The following COL4A6 variants were observed in gnomAD, a reference collection of about 807,000 sequenced individuals.
The protein encoded by COL4A6 is collagen type IV alpha 6 chain, also known as collagen alpha-6(IV) chain.
COL4A6 carries 59 observed loss-of-function variants against 126.7 expected under a neutral mutation model. That is an observed-to-expected ratio of 0.47 (90% CI 0.38 to 0.58). COL4A6 has a LOEUF of 0.58. COL4A6 is among the 20% of genes least tolerant of loss of function. The pLI is 0.00. For synonymous variants in COL4A6, 547 were observed against 496.6 expected (o/e 1.10, Z -1.35); for missense variants, 1,285 against 1,337.3 (o/e 0.96, Z 0.61).
chrX:108,394,673 G>A (rs781722657), intron 2 of COL4A6, among the ~76,000 whole-genome samples: 2 of 111,788 alleles, frequency 1.8e-5, no homozygotes, highest in African/African-American at 6.5e-5. Flanking sequence ...GCATGTAGAA[G>A]GCATTTATCG....
intron 3 of COL4A6, among the ~76,000 whole-genome samples, chrX:108,277,479 C>A (rs2037643710): frequency 8.9e-6 from 1 of 112,637 alleles, no homozygotes; most frequent in Non-Finnish European, 1.9e-5. Flanking sequence ...GTAAACAAAG[C>A]AGCCCTGAAG....
intron 2 of COL4A6, among the ~76,000 whole-genome samples, chrX:108,318,125 CAT>C (rs965548886): frequency 2.7e-5 from 3 of 111,867 alleles, no homozygotes; most frequent in South Asian, 3.8e-4. Context: ...ACAAAAACCA[CAT>C]GTTTATCTCA....
chrX:108,241,102 A>C (rs937578718), intron 3 of COL4A6, among the ~76,000 whole-genome samples: 1 of 111,040 alleles, frequency 9.0e-6, no homozygotes, highest in Non-Finnish European at 1.9e-5. Flanking sequence ...TATAAATATC[A>C]TATAATTTAG....
chrX:108,195,827 G>A (rs2035197764), intron 14 of COL4A6, among the ~76,000 whole-genome samples: 1 of 111,354 alleles, frequency 9.0e-6, no homozygotes, highest in African/African-American at 3.3e-5. Flanking sequence ...GGGGAAAGTA[G>A]AGAAAGAAAT....
chrX:108,245,965 GCTAC>G (rs2036708196), intron 3 of COL4A6, among the ~76,000 whole-genome samples: 2 of 111,976 alleles, frequency 1.8e-5, no homozygotes, highest in Non-Finnish European at 3.8e-5. Flanking sequence ...TCAGAACCAA[GCTAC>G]TGATATCTCT....
At chrX:108,240,767 T>G (rs1270866125) in intron 3 of COL4A6, among the ~76,000 whole-genome samples, 1 of 112,563 alleles carries the variant, frequency 8.9e-6, no homozygotes, top group Non-Finnish European at 1.9e-5. Flanking sequence ...AAATGTCACA[T>G]GACTCTCATT....
At chrX:108,237,327 T>C (rs1239652947) in intron 3 of COL4A6, among the ~76,000 whole-genome samples, 1 of 111,641 alleles carries the variant, frequency 9.0e-6, no homozygotes, top group Non-Finnish European at 1.9e-5. Flanking sequence ...TTGAAAGCCC[T>C]TCACCGTTCA....
At chrX:108,410,490 C>A (rs190559635) in intron 2 of COL4A6, among the ~76,000 whole-genome samples, 3 of 111,058 alleles carry the variant, frequency 2.7e-5, no homozygotes, top group African/African-American at 9.8e-5. Context: ...GTACACTTTT[C>A]TAAATTAAAT....
In COL4A6 at chrX:108,334,292, C is replaced by T. The variant is rs780826580; in HGVS notation, c.64-23464G>A. Among the ~76,000 whole-genome samples, 5 of 111,750 alleles carry T rather than the reference C, an allele frequency of 4.5e-5. No homozygotes were observed. The East Asian group carries it at 1.4e-3, about 31-fold the overall frequency. On this transcript the variant is annotated intron_variant, in intron 2 of 44. Coordinates refer to ENST00000334504, the MANE Select transcript of COL4A6 (RefSeq NM_033641.4). ...AATTACCCATCACAGTGGTTATAAACTAGAACTGAAATAACCTGTGGACTG... is the reference window on the plus strand; with the variant it reads ...AATTACCCATCACAGTGGTTATAAATTAGAACTGAAATAACCTGTGGACTG...
upstream of COL4A6, chrX:108,439,268 GAAT>G (rs749083454): frequency 2.4e-5 from 9 of 377,844 alleles, no homozygotes; most frequent in East Asian, 3.0e-4. Flanking sequence ...TAATACCATA[GAAT>G]AATTACCAAT....
chrX:108,360,194 TCTTC>T (rs2040051658), intron 2 of COL4A6, among the ~76,000 whole-genome samples: 1 of 112,154 alleles, frequency 8.9e-6, no homozygotes, highest in Admixed American at 9.5e-5. Context: ...CAACTATGAG[TCTTC>T]CTTTTCCATT....
chrX:108,246,003 A>G (rs1373062410), intron 3 of COL4A6, among the ~76,000 whole-genome samples: 1 of 111,640 alleles, frequency 9.0e-6, no homozygotes, highest in Non-Finnish European at 1.9e-5. Context: ...CTCACTTTCC[A>G]TGGCCCTGAT....
At chrX:108,343,715 A>G (rs1390671381) in intron 2 of COL4A6, among the ~76,000 whole-genome samples, 1 of 110,523 alleles carries the variant, frequency 9.0e-6, no homozygotes, top group Admixed American at 9.6e-5. Flanking sequence ...AAATATTGCA[A>G]TAAAATTTTG....
intron 2 of COL4A6, chrX:108,384,027 A>G: frequency 1.6e-6 from 1 of 640,770 alleles, no homozygotes; most frequent in South Asian, 4.4e-5. Context: ...TTGGTTACTT[A>G]TATTTACATA....
chrX:108,206,965 G>A (rs1334505138), intron 8 of COL4A6, among the ~76,000 whole-genome samples: 1 of 111,534 alleles, frequency 9.0e-6, no homozygotes, highest in African/African-American at 3.3e-5. Flanking sequence ...GGCAGAGATT[G>A]ACAGGGAATG....
chrX:108,162,906 G>C lies in COL4A6; in HGVS notation c.4202C>G (p.Pro1401Arg). The C allele has an allele frequency of 1.7e-6, 2 of 1,190,008 alleles. No homozygotes were observed. The highest frequency in any genetic ancestry group is 2.3e-6 in the Non-Finnish European group (2 of 886,308). Residue 1401 changes from proline (P) to arginine (R), a missense_variant, in exon 41 of 45, where the codon CCT (proline) becomes CGT (arginine). Pro to Arg is a moderately radical substitution (Grantham distance 103). Coordinates refer to ENST00000334504, the MANE Select transcript of COL4A6 (RefSeq NM_033641.4). ...GLTGDPGAQGPVGLQGSKGLP... is the reference protein window; with the variant it reads ...GLTGDPGAQGRVGLQGSKGLP... ...ACCCTCCTCACCTTGTAGGCCTACAGGGCCTTGAGCCCCAGGGTCCCCAGT... is the reference window on the plus strand; with the variant it reads ...ACCCTCCTCACCTTGTAGGCCTACACGGCCTTGAGCCCCAGGGTCCCCAGT...
At chrX:108,402,308 G>A (rs1461237056) in intron 2 of COL4A6, among the ~76,000 whole-genome samples, 1 of 111,405 alleles carries the variant, frequency 9.0e-6, no homozygotes, top group African/African-American at 3.3e-5. Context: ...AAAGTTGTTT[G>A]CAACATCCTC....
intron 2 of COL4A6, among the ~76,000 whole-genome samples, chrX:108,420,123 T>C (rs2041506026): frequency 9.0e-6 from 1 of 111,624 alleles, no homozygotes; most frequent in Non-Finnish European, 1.9e-5. Context: ...ACTGAACATT[T>C]TCAGCTCTCC....
chrX:108,427,629 A>T (rs1336387524), intron 2 of COL4A6, among the ~76,000 whole-genome samples: 3 of 111,702 alleles, frequency 2.7e-5, no homozygotes, highest in Non-Finnish European at 3.8e-5. Flanking sequence ...GCCAGATCAG[A>T]TACTCCATGG....
Sources: gnomAD v4.1 joint callset for allele counts (sites outside exome capture counted in the v4.1 genomes callset) on GRCh38, gnomAD v4.1.1 for gene constraint, MANE v1.5 for transcripts, NCBI Gene and HGNC (gene_info 2026-07-23, HGNC 2026-07-21) for gene names.